Variants in RYR3 observed in about 807,000 individuals in gnomAD.
The protein encoded by RYR3 is ryanodine receptor 3.
Under a neutral mutation model 584.3 loss-of-function variants are expected in RYR3, and 207 were observed. The observed-to-expected ratio is 0.35, with a 90% confidence interval of 0.32 to 0.40. RYR3 has a LOEUF of 0.40. Among genes scored for constraint, RYR3 ranks in the 10% least tolerant of loss-of-function variants. The pLI is 1.00. For synonymous variants in RYR3, 2,416 were observed against 2,248.5 expected, an observed-to-expected ratio of 1.07 and a Z score of -2.11; for missense variants, 5,616 against 6,089.2, an observed-to-expected ratio of 0.92 and a Z score of 2.59.
Position 33,573,652 on chromosome 15 carries a change from T to C in RYR3, c.1269-6324T>C, listed in dbSNP as rs181685509. On this transcript the variant is annotated intron_variant, in intron 12 of 103. Transcript: ENST00000634891. ...TAAATATTCAGAATCACCTGGGACC[T>C]CACTTGAATTTAATAAAAGAATTCA... Among the ~76,000 whole-genome samples, 297 of 152,296 alleles carry C rather than the reference T, an allele frequency of 2.0e-3. 1 individual carries two copies. Among genetic ancestry groups the C allele is most frequent in the Middle Eastern group, 6.8e-3 (2 of 294 alleles).
At chr15:33,812,784 C>T in intron 72 of RYR3, 79 bp from the exon 73 acceptor site, 1 of 1,445,178 alleles carries the variant, frequency 6.9e-7, no homozygotes, top group South Asian at 1.3e-5. Flanking sequence ...TCCTACAGAA[C>T]CATGGTAGGA....
At chr15:33,323,060 A>G (rs1021578652) in intron 1 of RYR3, among the ~76,000 whole-genome samples, 1 of 151,574 alleles carries the variant, frequency 6.6e-6, no homozygotes, top group African/African-American at 2.4e-5. Context: ...CCTGGCTTGT[A>G]CCAGGCATAT....
chr15:33,397,199 AAGACCAG>A (rs1388431051), intron 1 of RYR3, among the ~76,000 whole-genome samples: 1 of 152,252 alleles, frequency 6.6e-6, no homozygotes, highest in African/African-American at 2.4e-5. Context: ...ACCTCCAGCC[AAGACCAG>A]AGACAGGAAC....
At chr15:33,615,313 A>C (rs1452737488) in intron 19 of RYR3, among the ~76,000 whole-genome samples, 1 of 152,216 alleles carries the variant, frequency 6.6e-6, no homozygotes, top group Admixed American at 6.5e-5. Flanking sequence ...CCACTCCAGT[A>C]GGCCTCAGCA....
chr15:33,429,661 A>C (rs1021850321), intron 1 of RYR3, among the ~76,000 whole-genome samples: 1 of 152,232 alleles, frequency 6.6e-6, no homozygotes, highest in South Asian at 2.1e-4. Context: ...ATCCCCTCCC[A>C]AAACACTATT....
At chr15:33,777,720 G>A (rs143068975) in intron 64 of RYR3, among the ~76,000 whole-genome samples, 50 of 151,522 alleles carry the variant, frequency 3.3e-4, no homozygotes, top group African/African-American at 1.2e-3. Context: ...GACTGCCTTC[G>A]TGTCTGACTA....
chr15:33,329,445 T>A (rs1051097558), intron 1 of RYR3, among the ~76,000 whole-genome samples: 2 of 152,150 alleles, frequency 1.3e-5, no homozygotes, highest in Non-Finnish European at 2.9e-5. Flanking sequence ...AAACCGATGA[T>A]CTATGTAGGG....
At chr15:33,642,088 C>G (rs759030269) in intron 27 of RYR3, among the ~76,000 whole-genome samples, 1 of 152,160 alleles carries the variant, frequency 6.6e-6, no homozygotes, top group Non-Finnish European at 1.5e-5. Context: ...GTCCTCTCTA[C>G]TGGTGCTTAG....
In RYR3 at chr15:33,742,340, T is replaced by C. The variant is rs759050062; in HGVS notation, c.7821-26T>C. 8 of 1,486,592 alleles carry C rather than the reference T, an allele frequency of 5.4e-6. No individual in the cohort carries two copies. The East Asian group carries it at 1.8e-4, about 34-fold the overall frequency. 92.1% of individuals were successfully genotyped at this position (1,486,592 alleles called of 1,614,324 possible). On this transcript the variant is annotated intron_variant, in intron 51 of 103. Transcript: ENST00000634891. ...GTCTGGCTGAAGTGCTTGGGGAGGT[T>C]GTAATTTTTTTTCCTCATTTCACAG...
At chr15:33,606,688 C>A (rs1163030519) in intron 18 of RYR3, among the ~76,000 whole-genome samples, 1 of 152,128 alleles carries the variant, frequency 6.6e-6, no homozygotes, top group East Asian at 1.9e-4. Flanking sequence ...GATGGTCTCA[C>A]TTTCCCTCTC....
intron 52 of RYR3, among the ~76,000 whole-genome samples, chr15:33,744,520 G>A (rs1055682004): frequency 3.3e-5 from 5 of 152,114 alleles, no homozygotes; most frequent in African/African-American, 1.2e-4. Flanking sequence ...AGCCATTGTG[G>A]GGCAGCTTGT....
chr15:33,509,954 A>G (rs1165211457), intron 3 of RYR3, among the ~76,000 whole-genome samples: 4 of 152,348 alleles, frequency 2.6e-5, no homozygotes, highest in Non-Finnish European at 5.9e-5. Flanking sequence ...GAGAGGGAGA[A>G]AAATAACATT....
At chr15:33,436,843 G>A (rs867565519) in intron 1 of RYR3, among the ~76,000 whole-genome samples, 1 of 152,062 alleles carries the variant, frequency 6.6e-6, no homozygotes, top group African/African-American at 2.4e-5. Flanking sequence ...TGATGTATTA[G>A]CCTTTAAGTT....
chr15:33,525,969 A>G (rs1200264457), intron 3 of RYR3, among the ~76,000 whole-genome samples: 3 of 152,162 alleles, frequency 2.0e-5, no homozygotes, highest in South Asian at 2.1e-4. Flanking sequence ...TTCATCCCCT[A>G]CAAGACCTCC....
chr15:33,748,106 T>C lies in RYR3; in HGVS notation c.7990-8T>C, dbSNP rs773027978. On this transcript the variant is annotated splice_polypyrimidine_tract_variant and splice_region_variant and intron_variant, in intron 53 of 103. Coordinates refer to ENST00000634891, the MANE Select transcript of RYR3 (RefSeq NM_001036.6). ...CTGCAAAGTGCTTCTGCTCAAATTC[T>C]CTTCTAGGAGAAGGAAATTTATCGC... 1.2e-6 allele frequency: 2 copies of C among 1,613,178 alleles called. No homozygotes were observed. Among genetic ancestry groups the C allele is most frequent in the East Asian group, 2.2e-5 (1 of 44,884 alleles).
chr15:33,655,077 C>T (rs1000799396), intron 32 of RYR3, among the ~76,000 whole-genome samples: 1 of 152,246 alleles, frequency 6.6e-6, no homozygotes, highest in East Asian at 1.9e-4. Flanking sequence ...ATGACCCTCT[C>T]TGCACCTCCT....
intron 1 of RYR3, among the ~76,000 whole-genome samples, chr15:33,339,369 A>G (rs1971527632): frequency 6.6e-6 from 1 of 152,230 alleles, no homozygotes; most frequent in African/African-American, 2.4e-5. Flanking sequence ...AAGGCCAGTG[A>G]CCAGGGAACG....
intron 3 of RYR3, among the ~76,000 whole-genome samples, chr15:33,517,636 C>T (rs778687801): frequency 5.3e-5 from 8 of 152,168 alleles, no homozygotes; most frequent in African/African-American, 9.7e-5. Flanking sequence ...TTTGCGCAAA[C>T]CCCTGCTTTC....
At chr15:33,327,006 TA>T (rs34822996) in intron 1 of RYR3, among the ~76,000 whole-genome samples, 88 of 147,880 alleles carry the variant, frequency 6.0e-4, no homozygotes, top group Admixed American at 1.0e-3. Context: ...GGGTGTAGTT[TA>T]AAAAAAAAAA....
Sources: allele counts gnomAD v4.1 joint callset (sites outside exome capture counted in the v4.1 genomes callset), GRCh38; gene constraint gnomAD v4.1.1; transcripts MANE v1.5; gene names NCBI Gene and HGNC (gene_info 2026-07-23, HGNC 2026-07-21).